The following STARD6 variants were observed in gnomAD, a reference collection of about 807,000 sequenced individuals.
The protein encoded by STARD6 is StAR related lipid transfer domain containing 6.
Under a neutral mutation model 22.3 loss-of-function variants are expected in STARD6, and 21 were observed. The observed-to-expected ratio is 0.94, with a 90% confidence interval of 0.67 to 1.35. The LOEUF is 1.35. Ranked by LOEUF, STARD6 falls within the 40% of genes most tolerant of loss-of-function variation. STARD6 has a pLI of 0.00. For synonymous variants in STARD6, 80 were observed against 88.1 expected, an observed-to-expected ratio of 0.91 and a Z score of 0.52; for missense variants, 269 against 266.9, an observed-to-expected ratio of 1.01 and a Z score of -0.05.
At position 54,340,229 on chromosome 18, in the gene STARD6, A is replaced by G. The variant is rs182999832; in HGVS notation, c.141-2978T>C. On this transcript the variant is annotated intron_variant, in intron 4 of 7. Coordinates refer to ENST00000307844, the MANE Select transcript of STARD6 (RefSeq NM_139171.2). ...ATATGGTATTTGATTTGTAACATATATAGACATAATATGTGCAACAAAAAA... is the reference window on the plus strand; with the variant it reads ...ATATGGTATTTGATTTGTAACATATGTAGACATAATATGTGCAACAAAAAA... Among the ~76,000 whole-genome samples the G allele has an allele frequency of 2.6e-3, 394 of 152,286 alleles. 2 individuals are homozygous for G. The highest frequency in any genetic ancestry group is 4.4e-3 in the Non-Finnish European group (297 of 67,976).
At position 54,354,482 on chromosome 18, in the gene STARD6, A is replaced by G; in HGVS notation, c.90+2T>C. On this transcript the variant is annotated splice_donor_variant, in intron 3 of 7. Coordinates refer to ENST00000307844, the MANE Select transcript of STARD6 (RefSeq NM_139171.2). LOFTEE classifies it high-confidence loss of function. ...GAAACATAATTTAACTTATTTTCTTACTGAAGTTTTAACCACTTTCCAGCC... is the reference window on the plus strand; with the variant it reads ...GAAACATAATTTAACTTATTTTCTTGCTGAAGTTTTAACCACTTTCCAGCC... The G allele has an allele frequency of 6.2e-7, 1 of 1,601,770 alleles. No homozygotes were observed.
intron 4 of STARD6, among the ~76,000 whole-genome samples, chr18:54,339,465 G>A (rs11662689): frequency 0.18 from 25,808 of 144,848 alleles, 2,381 homozygotes; most frequent in Middle Eastern, 0.26. Flanking sequence ...TAAAAATAAA[G>A]TCTTGAAAGC....
chr18:54,331,461 T>G (rs1162297501), intron 6 of STARD6, among the ~76,000 whole-genome samples: 1 of 152,166 alleles, frequency 6.6e-6, no homozygotes, highest in African/African-American at 2.4e-5. Context: ...TTAAAAAATG[T>G]ATACCCAAAG....
At chr18:54,346,335 A>G (rs1484751242) in intron 4 of STARD6, among the ~76,000 whole-genome samples, 1 of 152,156 alleles carries the variant, frequency 6.6e-6, no homozygotes, top group African/African-American at 2.4e-5. Flanking sequence ...CATTAAGGAC[A>G]TGTAAATCAA....
chr18:54,343,802 C>T (rs2089008716), intron 4 of STARD6, among the ~76,000 whole-genome samples: 1 of 81,510 alleles, frequency 1.2e-5, no homozygotes, highest in Admixed American at 9.9e-5. Flanking sequence ...CGGCCAGCCG[C>T]CCCGTCCGGG....
intron 4 of STARD6, among the ~76,000 whole-genome samples, chr18:54,349,747 AGAT>A (rs2089076973): frequency 6.6e-6 from 1 of 152,146 alleles, no homozygotes; most frequent in African/African-American, 2.4e-5. Flanking sequence ...AGGTGAGAAA[AGAT>A]GATGTTTGGT....
chr18:54,324,564 G>T lies in STARD6; in HGVS notation c.*128C>A. On this transcript the variant is annotated 3_prime_UTR_variant, in exon 8 of 8. Transcript: ENST00000307844. Reference sequence around the variant, plus strand: ...TTCTTATTTTTATGAACTATCTTCAGCCATGTGTACAAGAATACTGTCTAG... The same window carrying T: ...TTCTTATTTTTATGAACTATCTTCATCCATGTGTACAAGAATACTGTCTAG... 1 of 789,108 alleles carries T rather than the reference G, an allele frequency of 1.3e-6. No homozygotes were observed. 48.9% of individuals were successfully genotyped at this position (789,108 alleles called of 1,614,324 possible). A position where few individuals can be genotyped will look rare whatever the true frequency, so the allele number is the denominator to read the frequency against.
chr18:54,325,083 A>G (rs748121034), intron 7 of STARD6, among the ~76,000 whole-genome samples: 5 of 152,268 alleles, frequency 3.3e-5, no homozygotes, highest in East Asian at 1.9e-4. Context: ...ACTTTAAAAA[A>G]TTCTAACAGT....
chr18:54,354,610 A>G (rs1303506738), intron 2 of STARD6, 33 bp from the exon 3 acceptor site: 2 of 1,473,568 alleles, frequency 1.4e-6, no homozygotes, highest in Non-Finnish European at 1.9e-6. Context: ...ACTGGTAAGA[A>G]TATAACCATA....
intron 7 of STARD6, among the ~76,000 whole-genome samples, chr18:54,326,244 G>A (rs940532131): frequency 1.3e-5 from 2 of 150,466 alleles, no homozygotes; most frequent in Admixed American, 1.3e-4. Flanking sequence ...GTGGCTAGTT[G>A]AGAAAAAATT....
intron 7 of STARD6, among the ~76,000 whole-genome samples, chr18:54,328,107 G>A (rs1426260367): frequency 6.6e-6 from 1 of 152,114 alleles, no homozygotes; most frequent in African/African-American, 2.4e-5. Context: ...AAACCATGGT[G>A]TATACATAGG....
intron 5 of STARD6, among the ~76,000 whole-genome samples, chr18:54,335,379 A>G (rs974774508): frequency 2.0e-5 from 3 of 151,862 alleles, no homozygotes; most frequent in Admixed American, 6.6e-5. Flanking sequence ...TATTTTTAGT[A>G]GAATCGCGGT....
Position 54,354,317 on chromosome 18 carries a change from C to T in STARD6, c.90+167G>A, listed in dbSNP as rs139379427. ...AATCATGGTGCATGACAGCCTCAAA[C>T]TCCTGTGCTCAAGCAGTCCTCCTGT... On this transcript the variant is annotated intron_variant, in intron 3 of 7. Coordinates refer to ENST00000307844, the MANE Select transcript of STARD6 (RefSeq NM_139171.2). 3.9e-4 allele frequency: 262 copies of T among 667,342 alleles called. 1 individual carries two copies. In the African/African-American group the frequency reaches 4.2e-3, roughly 11 times the overall value. 41.3% of individuals were successfully genotyped at this position (667,342 alleles called of 1,614,324 possible). A position where few individuals can be genotyped will look rare whatever the true frequency, so the allele number is the denominator to read the frequency against.
At chr18:54,338,641 A>C (rs2088939023) in intron 4 of STARD6, among the ~76,000 whole-genome samples, 1 of 152,126 alleles carries the variant, frequency 6.6e-6, no homozygotes, top group South Asian at 2.1e-4. Context: ...TTTAAAAAAA[A>C]AACTGCGAGT....
Position 54,339,223 on chromosome 18 carries a change from GAACTGAC to G in STARD6, c.141-1979_141-1973del, listed in dbSNP as rs1485440227. 3.3e-5 allele frequency among the ~76,000 whole-genome samples: 5 copies of G among 150,396 alleles called. No homozygotes were observed. In the East Asian group the frequency reaches 9.7e-4, roughly 29 times the overall value. ...ACATTTTGAGAGTACCAGAAGGAAA[GAACTGAC>G]ACTGCACTCCAGCCTGGATAAGAGA... On this transcript the variant is annotated intron_variant, in intron 4 of 7. Transcript: ENST00000307844.
chr18:54,349,800 C>T (rs996717736), intron 4 of STARD6, among the ~76,000 whole-genome samples: 11 of 152,116 alleles, frequency 7.2e-5, no homozygotes, highest in African/African-American at 2.7e-4. Flanking sequence ...TAATGGTCTC[C>T]AACTCCATTC....
In STARD6 at chr18:54,324,731, A is replaced by G; in HGVS notation, c.624T>C (p.Thr208=). The change falls in exon 8 of 8, where the codon ACT becomes ACC. Residue 208 remains threonine (T), a synonymous_variant. Coordinates refer to ENST00000307844, the MANE Select transcript of STARD6 (RefSeq NM_139171.2). ...TATGATGAAATCCACGTCTTGATGG[A>G]GTTCTGTGTGCCTTTATTCCATCTT... The part of the protein sequence containing the change: ...NAKDGIKAHR[T]PSRRGFHHNS... 1 of 1,613,040 alleles carries G rather than the reference A, an allele frequency of 6.2e-7. No homozygotes were observed. The highest frequency in any genetic ancestry group is 8.5e-7 in the Non-Finnish European group (1 of 1,179,588).
chr18:54,331,853 A>C lies in STARD6; in HGVS notation c.274T>G (p.Phe92Val). 6.3e-7 allele frequency: 1 copy of C among 1,599,016 alleles called. No homozygotes were observed. The highest frequency in any genetic ancestry group is 8.6e-7 in the Non-Finnish European group (1 of 1,167,944). ...CTTTGTGTAATGGTATGACATATGA[A>C]TGTGTCCTGCAACAAATCAAACCGT... ...NMVHRIDSDT[F>V]ICHTITQSFA... Residue 92 changes from phenylalanine (F) to valine (V), a missense_variant, in exon 6 of 8, where the codon TTC (phenylalanine) becomes GTC (valine). By Grantham distance (50) the Phe-to-Val change is conservative. Transcript: ENST00000307844.
chr18:54,335,375 T>A (rs2088899989), intron 5 of STARD6, among the ~76,000 whole-genome samples: 1 of 151,858 alleles, frequency 6.6e-6, no homozygotes, highest in South Asian at 2.1e-4. Context: ...TTTGTATTTT[T>A]AGTAGAATCG....
Sources: gnomAD v4.1 joint callset for allele counts (sites outside exome capture counted in the v4.1 genomes callset) on GRCh38, gnomAD v4.1.1 for gene constraint, MANE v1.5 for transcripts, NCBI Gene and HGNC (gene_info 2026-07-23, HGNC 2026-07-21) for gene names.